The following MICAL2 variants were observed in gnomAD, a reference collection of about 807,000 sequenced individuals.
The protein encoded by MICAL2 is microtubule associated monooxygenase, calponin and LIM domain containing 2, also known as [F-actin]-monooxygenase MICAL2.
MICAL2 carries 77 observed loss-of-function variants against 127.3 expected under a neutral mutation model. That is an observed-to-expected ratio of 0.60 (90% confidence interval 0.50 to 0.73). MICAL2 has a LOEUF of 0.73. MICAL2 is among the 30% of genes least tolerant of loss of function. The pLI is 0.00. For synonymous variants in MICAL2, 570 were observed against 551.1 expected (o/e 1.03, Z -0.48); for missense variants, 1,351 against 1,434.4 (o/e 0.94, Z 0.94).
chr11:12,351,935 T>C lies in MICAL2; in HGVS notation c.5615+1998T>C, dbSNP rs533098790. ...CCTCCCAAGAAGCTGGGACTACAGG[T>C]GCACACCACACCCAGCTAATTTTTG... On this transcript the variant is annotated intron_variant, in intron 33 of 34. Transcript: ENST00000646065. 1.4e-4 allele frequency among the ~76,000 whole-genome samples: 21 copies of C among 151,934 alleles called. 1 individual carries two copies. The South Asian group carries it at 4.4e-3, about 32-fold the overall frequency.
intron 3 of MICAL2, among the ~76,000 whole-genome samples, chr11:12,201,657 G>A (rs533200079): frequency 1.3e-5 from 2 of 152,286 alleles, no homozygotes; most frequent in East Asian, 1.9e-4. Context: ...GGCTTTTGCC[G>A]AATGTAGCTA....
At chr11:12,257,036 G>A in intron 24 of MICAL2, 65 bp downstream of exon 24, 1 of 1,502,928 alleles carries the variant, frequency 6.7e-7, no homozygotes, top group East Asian at 2.3e-5. Context: ...CTTGGCTCGG[G>A]TTCCTGTCCC....
At chr11:12,258,058 A>AT (rs955430225) in intron 24 of MICAL2, among the ~76,000 whole-genome samples, 6 of 151,994 alleles carry the variant, frequency 3.9e-5, no homozygotes, top group Admixed American at 2.0e-4. Context: ...TGATTTGGGG[A>AT]TTTTTTTTAA....
intron 32 of MICAL2, among the ~76,000 whole-genome samples, chr11:12,345,066 T>C (rs1245875268): frequency 1.3e-5 from 2 of 149,934 alleles, no homozygotes; most frequent in Admixed American, 1.3e-4. Context: ...GAGCCGAGAT[T>C]GCGCCACTGC....
chr11:12,216,929 C>A (rs183790052), intron 8 of MICAL2, among the ~76,000 whole-genome samples: 1 of 152,174 alleles, frequency 6.6e-6, no homozygotes, highest in African/African-American at 2.4e-5. Flanking sequence ...GCACAGTGCC[C>A]GGCAGAGGGT....
chr11:12,339,239 C>T (rs940192958), intron 32 of MICAL2, among the ~76,000 whole-genome samples: 4 of 152,326 alleles, frequency 2.6e-5, no homozygotes, highest in South Asian at 2.1e-4. Flanking sequence ...CAGTTGATCG[C>T]GTCAGCTACT....
chr11:12,226,434 T>C, intron 14 of MICAL2, 64 bp downstream of exon 14: 1 of 1,524,500 alleles, frequency 6.6e-7, no homozygotes, highest in African/African-American at 1.4e-5. Flanking sequence ...TCTCTGAGTC[T>C]GGCTGCTCCT....
Position 12,222,883 on chromosome 11 carries a change from G to C in MICAL2, c.1449+140G>C, listed in dbSNP as rs1856988802. 4 of 1,083,616 alleles carry C rather than the reference G, an allele frequency of 3.7e-6. No homozygotes were observed. In the South Asian group the frequency reaches 4.9e-5, roughly 13 times the overall value. 67.1% of individuals were successfully genotyped at this position (1,083,616 alleles called of 1,614,324 possible). ...GCCTGCTGGCCTAATGGTGGGACCA[G>C]TTCTTCTCCCCACTCGAGTCAGCAT... On this transcript the variant is annotated intron_variant, in intron 11 of 27. Coordinates refer to ENST00000683283, the MANE Select transcript of MICAL2 (RefSeq NM_001282663.2).
rs865884681 is a variant in MICAL2 at position 12,358,386 on chromosome 11, T to A, written c.5781T>A (p.Asp1927Glu). 3.1e-6 allele frequency: 5 copies of A among 1,614,186 alleles called. No homozygotes were observed. In the Middle Eastern group the frequency reaches 8.2e-4, roughly 266 times the overall value. The change falls in exon 35 of 35, where the codon GAT (aspartate) becomes GAA (glutamate). Residue 1927 changes from aspartate (D) to glutamate (E), a missense_variant. Asp to Glu is a conservative substitution (Grantham distance 45, BLOSUM62 2). Transcript: ENST00000646065. ...TTGAGCAAAGGGACAAACTCGTCGA[T>A]TCCTTAGAGGAACAACGCATCAGAG... is the stretch of plus-strand genomic sequence containing the variant.
intron 32 of MICAL2, among the ~76,000 whole-genome samples, chr11:12,343,312 G>C (rs1194480660): frequency 6.7e-6 from 1 of 150,026 alleles, no homozygotes; most frequent in Non-Finnish European, 1.5e-5. Context: ...GGAGGCTGAG[G>C]CAGGAGAATT....
At chr11:12,151,489 C>T (rs549701496) in intron 2 of MICAL2, among the ~76,000 whole-genome samples, 10 of 152,234 alleles carry the variant, frequency 6.6e-5, no homozygotes, top group African/African-American at 2.4e-4. Context: ...GGTAATGCCT[C>T]CTGCCTAAGA....
chr11:12,333,724 T>G (rs1938691811), intron 32 of MICAL2, among the ~76,000 whole-genome samples: 1 of 152,142 alleles, frequency 6.6e-6, no homozygotes, highest in Non-Finnish European at 1.5e-5. Flanking sequence ...CATTTCAATA[T>G]CTCAGCATGA....
At chr11:12,177,857 T>C (rs923124331) in intron 3 of MICAL2, among the ~76,000 whole-genome samples, 2 of 152,222 alleles carry the variant, frequency 1.3e-5, no homozygotes, top group African/African-American at 4.8e-5. Flanking sequence ...TGAAGATGAC[T>C]CTCCACATTT....
At chr11:12,294,903 G>A (rs749513630), downstream of MICAL2, 6 of 1,415,374 alleles carry the variant, frequency 4.2e-6, no homozygotes, top group Non-Finnish European at 5.5e-6. Context: ...ATGCTGGGCA[G>A]TTAGTAATCT....
At chr11:12,143,912 A>G (rs1223031595) in intron 2 of MICAL2, among the ~76,000 whole-genome samples, 1 of 152,182 alleles carries the variant, frequency 6.6e-6, no homozygotes, top group African/African-American at 2.4e-5. Context: ...AGATCATTAG[A>G]GTGGAAAGAA....
intron 29 of MICAL2, among the ~76,000 whole-genome samples, chr11:12,316,406 G>A (rs1433523531): frequency 6.8e-6 from 1 of 148,128 alleles, no homozygotes; most frequent in Non-Finnish European, 1.5e-5. Context: ...TTATTCCTAG[G>A]TGGTTTTTTT....
intron 24 of MICAL2, 99 bp from the exon 25 acceptor site, chr11:12,258,369 A>G (rs1397750749): frequency 6.6e-6 from 6 of 902,840 alleles, no homozygotes; most frequent in African/African-American, 6.6e-5. Flanking sequence ...CATCGTTACT[A>G]TTTTCTGACT....
intron 1 of MICAL2, among the ~76,000 whole-genome samples, chr11:12,138,176 A>G (rs1305991978): frequency 1.3e-5 from 2 of 152,160 alleles, no homozygotes; most frequent in African/African-American, 4.8e-5. Flanking sequence ...TGCAGCCAAC[A>G]ATAGAATTTG....
At chr11:12,240,155 C>T (rs1430568116) in intron 17 of MICAL2, among the ~76,000 whole-genome samples, 1 of 152,186 alleles carries the variant, frequency 6.6e-6, no homozygotes, top group Non-Finnish European at 1.5e-5. Flanking sequence ...CCCCTCTCTC[C>T]CTGCACCAGG....
Sources: allele counts gnomAD v4.1 joint callset (sites outside exome capture counted in the v4.1 genomes callset), GRCh38; gene constraint gnomAD v4.1.1; transcripts MANE v1.5; gene names NCBI Gene and HGNC (gene_info 2026-07-23, HGNC 2026-07-21).